Variants in C3 observed in about 807,000 individuals in gnomAD.
C3 encodes the protein C3 and PZP-like alpha-2-macroglobulin domain-containing protein 1.
Under a neutral mutation model 207.9 loss-of-function variants are expected in C3, and 97 were observed. The observed-to-expected ratio is 0.47, with a 90% CI of 0.40 to 0.55. The LOEUF is 0.55. C3 is among the 20% of genes least tolerant of loss of function. The pLI, the probability that C3 is intolerant of heterozygous loss-of-function variation, is 0.00. For missense variants in C3, 1,684 were observed against 2,171.7 expected, an observed-to-expected ratio of 0.78 and a Z score of 4.46; for synonymous variants, 848 against 857.6, an observed-to-expected ratio of 0.99 and a Z score of 0.20.
chr19:6,682,402 T>C, intron 33 of C3, 173 bp from the exon 34 acceptor site: 2 of 650,332 alleles, frequency 3.1e-6, no homozygotes, highest in Non-Finnish European at 5.6e-6. Context: ...AAAAGCAAGG[T>C]AATGTAATGG....
In C3 at chr19:6,710,816, C is replaced by T. The variant is rs756402167; in HGVS notation, c.1509G>A (p.Ala503=). Residue 503 remains alanine (A), a synonymous_variant, in exon 13 of 41, where the codon GCG becomes GCA. Coordinates refer to ENST00000245907, the MANE Select transcript of C3 (RefSeq NM_000064.4). ...LIMNKGRLLK[A]GRQVREPGQD... ...GGCCGGGCTCTCGCACCTGGCGTCC[C>T]GCCTTCAACAGCCTGCCCTTGTTCA... The T allele has an allele frequency of 6.2e-6, 10 of 1,613,840 alleles. No individual in the cohort carries two copies. Among genetic ancestry groups the T allele is most frequent in the African/African-American group, 2.7e-5 (2 of 74,942 alleles).
rs1260393172 is a variant in C3 at position 6,719,450 on chromosome 19, A to G, written c.75-47T>C. On this transcript the variant is annotated intron_variant, in intron 1 of 40. Transcript: ENST00000245907. The surrounding 1 kb of genome is among the most constrained non-coding windows in gnomAD (Gnocchi z 5.4). ...GTGGGCTTGTCATTCCACGGATGTG[A>G]GACGCCAGTCCTCACTGGAGTCAGC... 1 of 1,560,728 alleles carries G rather than the reference A, an allele frequency of 6.4e-7. No individual in the cohort carries two copies. The highest frequency in any genetic ancestry group is 1.7e-5 in the Admixed American group (1 of 59,778).
chr19:6,677,831 C>T lies in C3; in HGVS notation c.*51G>A. 2 of 1,610,000 alleles carry T rather than the reference C, an allele frequency of 1.2e-6. No individual in the cohort carries two copies. The highest frequency in any genetic ancestry group is 1.7e-6 in the Non-Finnish European group (2 of 1,177,850). On this transcript the variant is annotated 3_prime_UTR_variant, in exon 41 of 41. Transcript: ENST00000245907. ...CTCCCTCTTGGCAAAGAACTCCAGA[C>T]ACGTGAGATATAACTGAAGCTTTAT...
Position 6,696,398 on chromosome 19 carries a change from C to G in C3, c.2931G>C (p.Glu977Asp), listed in dbSNP as rs1478001477. 1 of 1,612,574 alleles carries G rather than the reference C, an allele frequency of 6.2e-7. No individual in the cohort carries two copies. ...LSDQVPDTES[E>D]TRILLQGTPV... is the part of the protein sequence containing the mutation. ...TCTCACCTTGCAGGAGAATTCTGGT[C>G]TCAGACTCGGTGTCCGGGACTTGGT... is the stretch of plus-strand genomic sequence containing the variant. Residue 977 changes from glutamate (E) to aspartate (D), a missense_variant, in exon 23 of 41, where the codon GAG (glutamate) becomes GAC (aspartate). Glu to Asp is a conservative substitution (Grantham distance 45). This residue lies in a region of C3 where 1,280 missense variants were observed against 1,739.1 expected (regional missense o/e 0.74). Coordinates refer to ENST00000245907, the MANE Select transcript of C3 (RefSeq NM_000064.4).
In C3 at chr19:6,711,067, G is replaced by C. The variant is rs1191653959; in HGVS notation, c.1399C>G (p.Pro467Ala). Residue 467 changes from proline to alanine, a missense_variant, in exon 12 of 41, where the codon CCC becomes GCC. Around this residue, in one of 3 missense-constraint regions of C3, gnomAD observed 1,280 missense variants for 1,739.1 expected, o/e 0.74. Transcript: ENST00000245907. ...HLSVLRTELR[P>A]GETLNVNFLL... The stretch of plus-strand genomic sequence containing the variant: ...AAGTTGACGTTGAGGGTCTCCCCGG[G>C]TCTGAGCTCTGTACGTAGCACTGAG... 1 of 1,614,176 alleles carries C rather than the reference G, an allele frequency of 6.2e-7. No homozygotes were observed. Among genetic ancestry groups the C allele is most frequent in the Non-Finnish European group, 8.5e-7 (1 of 1,180,020 alleles).
At position 6,714,247 on chromosome 19, in the gene C3, T is replaced by A; in HGVS notation, c.601A>T (p.Met201Leu). The change falls in exon 6 of 41, where the codon ATG (methionine) becomes TTG (leucine). Residue 201 changes from methionine to leucine, a missense_variant and splice_region_variant. Physicochemically the swap from Met to Leu is conservative, Grantham distance 15. This residue lies in a region of C3 where 1,280 missense variants were observed against 1,739.1 expected (regional missense o/e 0.74). Coordinates refer to ENST00000245907, the MANE Select transcript of C3 (RefSeq NM_000064.4). ...LSWDIPELVNMGQWKIRAYYE... is the reference protein window; with the variant it reads ...LSWDIPELVNLGQWKIRAYYE... ...TAGGCTCGGATCTTCCACTGGCCCATGCTGTGAGGAGGGCGGATGAGTGGT... is the reference window on the plus strand; with the variant it reads ...TAGGCTCGGATCTTCCACTGGCCCAAGCTGTGAGGAGGGCGGATGAGTGGT... The A allele has an allele frequency of 6.2e-7, 1 of 1,613,818 alleles. No homozygotes were observed. The highest frequency in any genetic ancestry group is 8.5e-7 in the Non-Finnish European group (1 of 1,179,946).
At chr19:6,681,614 G>T (rs1917862234) in intron 35 of C3, among the ~76,000 whole-genome samples, 1 of 151,988 alleles carries the variant, frequency 6.6e-6, no homozygotes, top group South Asian at 2.1e-4. Context: ...GATTGGGTTA[G>T]GGAACGAGGC....
chr19:6,717,725 T>C (rs1968067427), intron 4 of C3: 1 of 356,194 alleles, frequency 2.8e-6, no homozygotes, highest in Non-Finnish European at 5.1e-6. Context: ...TTGTGTATTG[T>C]GTTGTGTGTG....
intron 21 of C3, 30 bp from the exon 22 acceptor site, chr19:6,696,689 T>C (rs754173209): frequency 5.7e-6 from 9 of 1,591,770 alleles, no homozygotes; most frequent in East Asian, 4.5e-5. Context: ...GGGGGAGTCG[T>C]TGGATGAATA....
chr19:6,694,419 C>A lies in C3; in HGVS notation c.3154+12G>T, dbSNP rs749806622. The A allele has an allele frequency of 6.2e-7, 1 of 1,612,962 alleles. No homozygotes were observed. Among genetic ancestry groups the A allele is most frequent in the South Asian group, 1.1e-5 (1 of 91,072 alleles). The stretch of plus-strand genomic sequence containing the variant: ...GGGTCCCTGGGGTCTCCAAGAGGGG[C>A]AGGGAGCCCACCCTTCTTGATGAGC... On this transcript the variant is annotated intron_variant, in intron 24 of 40. Transcript: ENST00000245907.
rs550606924 is a variant in C3 at position 6,691,707 on chromosome 19, G to A, written c.3391-980C>T. On this transcript the variant is annotated intron_variant, in intron 26 of 40. Coordinates refer to ENST00000245907, the MANE Select transcript of C3 (RefSeq NM_000064.4). ...TTTTAAAAACTCAGATTCCTAGGCC[G>A]GGCGCGGTGGCTCATGCCTGTAATC... 1.1e-4 allele frequency among the ~76,000 whole-genome samples: 17 copies of A among 152,154 alleles called. No individual in the cohort carries two copies. The East Asian group carries it at 2.5e-3, about 23-fold the overall frequency.
At chr19:6,693,359 TG>T in intron 25 of C3, 52 bp downstream of exon 25, 1 of 1,536,338 alleles carries the variant, frequency 6.5e-7, no homozygotes. Flanking sequence ...CGGGCCCTGC[TG>T]GGGGTTGAGG....
Position 6,709,836 on chromosome 19 carries a change from C to T in C3, c.1693G>A (p.Val565Ile). ...CGGTCTTCTGACTGGCCGCTTTTTACCACCAGCTGTGGGGAGGGTGGAGAC... is the reference window on the plus strand; with the variant it reads ...CGGTCTTCTGACTGGCCGCTTTTTATCACCAGCTGTGGGGAGGGTGGAGAC... Reference protein sequence around the residue: ...VKDSCVGSLVVKSGQSEDRQP... With the variant: ...VKDSCVGSLVIKSGQSEDRQP... Residue 565 changes from valine to isoleucine, a missense_variant, in exon 14 of 41, where the codon GTA (valine) becomes ATA (isoleucine). Around this residue, in one of 3 missense-constraint regions of C3, gnomAD observed 1,280 missense variants for 1,739.1 expected, o/e 0.74. Transcript: ENST00000245907. The T allele has an allele frequency of 1.9e-6, 3 of 1,613,784 alleles. No individual in the cohort carries two copies. Among genetic ancestry groups the T allele is most frequent in the South Asian group, 2.2e-5 (2 of 91,082 alleles).
chr19:6,700,022 AT>A (rs1156854286), intron 19 of C3, among the ~76,000 whole-genome samples: 2 of 148,136 alleles, frequency 1.4e-5, no homozygotes, highest in Non-Finnish European at 3.0e-5. Flanking sequence ...CAAATGACAT[AT>A]TAGTAGTAAA....
intron 19 of C3, among the ~76,000 whole-genome samples, chr19:6,700,217 CAT>C (rs1234315101): frequency 1.7e-5 from 2 of 115,378 alleles, no homozygotes; most frequent in African/African-American, 3.1e-5. Context: ...GTATATATTA[CAT>C]ATATATTATA....
intron 17 of C3, among the ~76,000 whole-genome samples, chr19:6,703,175 G>A (rs1162683481): frequency 1.3e-5 from 2 of 151,948 alleles, no homozygotes; most frequent in South Asian, 4.1e-4. Context: ...GAATTTTCAC[G>A]AGCCCCAGAC....
chr19:6,717,888 G>A lies in C3; in HGVS notation c.504+206C>T, dbSNP rs558374336. 3 of 648,400 alleles carry A rather than the reference G, an allele frequency of 4.6e-6. No homozygotes were observed. In the African/African-American group the frequency reaches 5.4e-5, roughly 12 times the overall value. 40.2% of individuals were successfully genotyped at this position (648,400 alleles called of 1,614,324 possible). Reference sequence around the variant, plus strand: ...TGCACATGTGTCTGCATATCTCTTTGCCTCTGTGTGTGTATTGTGTGCTGT... The same window carrying A: ...TGCACATGTGTCTGCATATCTCTTTACCTCTGTGTGTGTATTGTGTGCTGT... On this transcript the variant is annotated intron_variant, in intron 4 of 40. Transcript: ENST00000245907.
At chr19:6,688,747 CT>C (rs1918077732) in intron 27 of C3, among the ~76,000 whole-genome samples, 1 of 152,186 alleles carries the variant, frequency 6.6e-6, no homozygotes, top group South Asian at 2.1e-4. Context: ...AAACAAATCT[CT>C]TTTATTCCTG....
Position 6,719,205 on chromosome 19 carries a change from A to G in C3, c.267+6T>C. On this transcript the variant is annotated splice_donor_region_variant and intron_variant, in intron 2 of 40. Transcript: ENST00000245907. The surrounding 1 kb of genome is among the most constrained non-coding windows in gnomAD (Gnocchi z 5.4). Reference sequence around the variant, plus strand: ...TCAGCCGGGTCCTGCGCCAGTCTGCACTCACCGTGAAGGTGACGTTGCCCA... The same window carrying G: ...TCAGCCGGGTCCTGCGCCAGTCTGCGCTCACCGTGAAGGTGACGTTGCCCA... The G allele has an allele frequency of 1.2e-6, 2 of 1,612,834 alleles. No individual in the cohort carries two copies. The highest frequency in any genetic ancestry group is 1.7e-5 in the Admixed American group (1 of 59,996).
Sources: allele counts gnomAD v4.1 joint callset (sites outside exome capture counted in the v4.1 genomes callset), GRCh38; gene constraint gnomAD v4.1.1; regional missense constraint gnomAD v4.1.1; non-coding constraint Gnocchi (gnomAD v3.1); transcripts MANE v1.5; gene names NCBI Gene and HGNC (gene_info 2026-07-23, HGNC 2026-07-21).